RAB11FIP1: variants seen among roughly 807,000 people sequenced by gnomAD.
The protein encoded by RAB11FIP1 is RAB11 family interacting protein 1.
A neutral mutation model predicts 83.1 loss-of-function variants in RAB11FIP1; 49 were observed. The observed-to-expected ratio is 0.59, with a 90% CI of 0.47 to 0.75. RAB11FIP1 has a LOEUF of 0.75. Among genes scored for constraint, RAB11FIP1 ranks in the 30% least tolerant of loss-of-function variants. The probability of loss-of-function intolerance (pLI) is 0.00; values close to 1 mark genes in which losing one functional copy is unlikely to be tolerated. For missense variants in RAB11FIP1, 1,536 were observed against 1,598.7 expected (o/e 0.96, Z 0.67); for synonymous variants, 670 against 656.0 (o/e 1.02, Z -0.33).
At position 37,871,353 on chromosome 8, in the gene RAB11FIP1, T is replaced by C; in HGVS notation, c.3449A>G (p.Gln1150Arg). ...TGTCTCCGAGGGTGAGACCCAGGCCTGGAGGAGTGGCTTCCTCTTGCCAAA... is the reference window on the plus strand; with the variant it reads ...TGTCTCCGAGGGTGAGACCCAGGCCCGGAGGAGTGGCTTCCTCTTGCCAAA... Reference protein sequence around the residue: ...ENFGKRKPLLQAWVSPSETHP... With the variant: ...ENFGKRKPLLRAWVSPSETHP... Residue 1150 changes from glutamine to arginine, a missense_variant, in exon 4 of 6, where the codon CAG becomes CGG. Transcript: ENST00000330843. The C allele has an allele frequency of 6.2e-7, 1 of 1,614,204 alleles. No individual in the cohort carries two copies. Among genetic ancestry groups the C allele is most frequent in the East Asian group, 2.2e-5 (1 of 44,880 alleles).
chr8:37,858,956 G>A lies in RAB11FIP1; in HGVS notation c.*3939C>T, dbSNP rs1806180348. 6.6e-6 allele frequency: 1 copy of A among 151,246 alleles called. No homozygotes were observed. Among genetic ancestry groups the A allele is most frequent in the Non-Finnish European group, 1.5e-5 (1 of 67,962 alleles). The allele number at this position is 151,246 out of a possible 1,614,324, so 9.4% of individuals were successfully genotyped here. On this transcript the variant is annotated 3_prime_UTR_variant, in exon 6 of 6. Coordinates refer to ENST00000330843, the MANE Select transcript of RAB11FIP1 (RefSeq NM_001002814.3). ...AAACTACAGACACAAATCTTTGAAAGGTAAGTACCATTTTATTTAGTGTTG... is the reference window on the plus strand; with the variant it reads ...AAACTACAGACACAAATCTTTGAAAAGTAAGTACCATTTTATTTAGTGTTG...
At chr8:37,884,150 C>T (rs1186269072) in intron 1 of RAB11FIP1, among the ~76,000 whole-genome samples, 2 of 151,026 alleles carry the variant, frequency 1.3e-5, no homozygotes, top group African/African-American at 2.4e-5. Flanking sequence ...CTGCAACCAC[C>T]GTCGCCCAGG....
In RAB11FIP1 at chr8:37,874,547, C is replaced by T. The variant is rs369545313; in HGVS notation, c.1590G>A (p.Pro530=). 2.5e-6 allele frequency: 4 copies of T among 1,614,168 alleles called. No homozygotes were observed. Among genetic ancestry groups the T allele is most frequent in the Non-Finnish European group, 3.4e-6 (4 of 1,180,034 alleles). The change falls in exon 3 of 6, where the codon CCG becomes CCA. Residue 530 remains proline, a synonymous_variant. Transcript: ENST00000330843. ...KSEPRPPISS[P]RAPQTRAVKP... is the part of the protein sequence containing the mutation. ...TGACAGCTCTGGTCTGGGGAGCCCT[C>T]GGAGAGGAAATTGGAGGTCTCGGTT...
Position 37,860,543 on chromosome 8 carries a change from A to G in RAB11FIP1, c.*2352T>C, listed in dbSNP as rs981084922. 4 of 152,158 alleles carry G rather than the reference A, an allele frequency of 2.6e-5. No individual in the cohort carries two copies. Among genetic ancestry groups the G allele is most frequent in the Non-Finnish European group, 4.4e-5 (3 of 68,030 alleles). The allele number at this position is 152,158 out of a possible 1,614,324, so 9.4% of individuals were successfully genotyped here. ...TTTTTAGTAGAGACGGGGTTTTGCC[A>G]TGTTGGCCAGGCTGGTCTCGAACTC... On this transcript the variant is annotated 3_prime_UTR_variant, in exon 6 of 6. Transcript: ENST00000330843.
rs745387768 is a variant in RAB11FIP1 at position 37,872,921 on chromosome 8, T to C, written c.1881A>G (p.Gly627=). ...LVDRGQAKSE[G]PPLLPKAELQ... is the part of the protein sequence containing the mutation. The stretch of plus-strand genomic sequence containing the variant: ...ACTCTGCCTTAGGGAGCAAGGGTGG[T>C]CCTTCAGACTTGGCCTGGCCCCTGT... The change falls in exon 4 of 6, where the codon GGA becomes GGG. Residue 627 remains glycine, a synonymous_variant. Transcript: ENST00000330843. The C allele has an allele frequency of 5.6e-6, 9 of 1,614,080 alleles. No individual in the cohort carries two copies. Among genetic ancestry groups the C allele is most frequent in the East Asian group, 4.5e-5 (2 of 44,890 alleles).
At chr8:37,885,605 A>T (rs1276060355) in intron 1 of RAB11FIP1, among the ~76,000 whole-genome samples, 1 of 152,212 alleles carries the variant, frequency 6.6e-6, no homozygotes, top group Non-Finnish European at 1.5e-5. Flanking sequence ...AGTTTTCTAC[A>T]CTTTCAAAAA....
At position 37,872,546 on chromosome 8, in the gene RAB11FIP1, C is replaced by G. The variant is rs1806495896; in HGVS notation, c.2256G>C (p.Leu752Phe). The G allele has an allele frequency of 8.1e-6, 13 of 1,614,234 alleles. No homozygotes were observed. The highest frequency in any genetic ancestry group is 1.1e-5 in the Non-Finnish European group (13 of 1,180,048). The change falls in exon 4 of 6, where the codon TTG becomes TTC. Residue 752 changes from leucine (L) to phenylalanine (F), a missense_variant. Physicochemically the swap from Leu to Phe is conservative, Grantham distance 22. Coordinates refer to ENST00000330843, the MANE Select transcript of RAB11FIP1 (RefSeq NM_001002814.3). ...GELAAGGDRD[L>F]ESQAGSLVES... ...CCACAAGAGACCCAGCCTGACTCTCCAAGTCTCTGTCTCCTCCTGCTGCAA... is the reference window on the plus strand; with the variant it reads ...CCACAAGAGACCCAGCCTGACTCTCGAAGTCTCTGTCTCCTCCTGCTGCAA...
chr8:37,874,511 T>C lies in RAB11FIP1; in HGVS notation c.1622+4A>G, dbSNP rs1303633972. 1 of 1,612,474 alleles carries C rather than the reference T, an allele frequency of 6.2e-7. No homozygotes were observed. Among genetic ancestry groups the C allele is most frequent in the East Asian group, 2.2e-5 (1 of 44,860 alleles). ...TGCCCTGCACGAGAAGAGCCAAAACTCACCGGGGCTTGACAGCTCTGGTCT... is the reference window on the plus strand; with the variant it reads ...TGCCCTGCACGAGAAGAGCCAAAACCCACCGGGGCTTGACAGCTCTGGTCT... On this transcript the variant is annotated splice_donor_region_variant and intron_variant, in intron 3 of 5. Coordinates refer to ENST00000330843, the MANE Select transcript of RAB11FIP1 (RefSeq NM_001002814.3).
In RAB11FIP1 at chr8:37,860,354, T is replaced by G. The variant is rs1217825978; in HGVS notation, c.*2541A>C. On this transcript the variant is annotated 3_prime_UTR_variant, in exon 6 of 6. Coordinates refer to ENST00000330843, the MANE Select transcript of RAB11FIP1 (RefSeq NM_001002814.3). Reference sequence around the variant, plus strand: ...ATACATGTACCTTTTCTTTCTTTCTTTTTTTTGAGACAGAGTCTCGCCCGT... The same window carrying G: ...ATACATGTACCTTTTCTTTCTTTCTGTTTTTTGAGACAGAGTCTCGCCCGT... The G allele has an allele frequency of 6.6e-6, 1 of 152,582 alleles. No individual in the cohort carries two copies. 9.5% of individuals were successfully genotyped at this position (152,582 alleles called of 1,614,324 possible).
chr8:37,891,077 T>C (rs2130190556), intron 1 of RAB11FIP1, among the ~76,000 whole-genome samples: 1 of 152,308 alleles, frequency 6.6e-6, no homozygotes, highest in African/African-American at 2.4e-5. Context: ...CAGGGCAAAG[T>C]CAGGCTTGGT....
In RAB11FIP1 at chr8:37,874,971, G is replaced by A; in HGVS notation, c.1166C>T (p.Ser389Phe). The change falls in exon 3 of 6, where the codon TCC becomes TTC. Residue 389 changes from serine (S) to phenylalanine (F), a missense_variant. Transcript: ENST00000330843. The part of the protein sequence containing the change: ...RQLSESSTKD[S>F]LKSMTLPSYR... Reference sequence around the variant, plus strand: ...GGACGGCAGGGTCATAGACTTCAAGGAGTCCTTGGTGGAAGATTCGGAGAG... The same window carrying A: ...GGACGGCAGGGTCATAGACTTCAAGAAGTCCTTGGTGGAAGATTCGGAGAG... The A allele has an allele frequency of 1.2e-6, 2 of 1,614,130 alleles. No homozygotes were observed. The highest frequency in any genetic ancestry group is 1.7e-6 in the Non-Finnish European group (2 of 1,180,030).
chr8:37,889,191 T>C (rs1410954338), intron 1 of RAB11FIP1, among the ~76,000 whole-genome samples: 1 of 152,110 alleles, frequency 6.6e-6, no homozygotes, highest in East Asian at 1.9e-4. Context: ...CAGAGGGCCC[T>C]CGAACTCTCA....
chr8:37,865,358 C>T (rs1377026117), intron 5 of RAB11FIP1, among the ~76,000 whole-genome samples: 5 of 148,210 alleles, frequency 3.4e-5, no homozygotes, highest in Non-Finnish European at 7.4e-5. Flanking sequence ...CTCACTGTGA[C>T]ACCCAGGCTG....
At chr8:37,894,427 CT>C (rs1330665390) in intron 1 of RAB11FIP1, among the ~76,000 whole-genome samples, 1 of 151,870 alleles carries the variant, frequency 6.6e-6, no homozygotes, top group Non-Finnish European at 1.5e-5. Flanking sequence ...GTATCTAACC[CT>C]TTATAATACC....
In RAB11FIP1 at chr8:37,871,335, G is replaced by A. The variant is rs75558150; in HGVS notation, c.3467C>T (p.Ser1156Leu). Reference sequence around the variant, plus strand: ...CTGAGCTGAGACTGGATGTGTCTCCGAGGGTGAGACCCAGGCCTGGAGGAG... The same window carrying A: ...CTGAGCTGAGACTGGATGTGTCTCCAAGGGTGAGACCCAGGCCTGGAGGAG... ...KPLLQAWVSP[S>L]ETHPVSAQPG... is the part of the protein sequence containing the mutation. The change falls in exon 4 of 6, where the codon TCG becomes TTG. Residue 1156 changes from serine (S) to leucine (L), a missense_variant. Coordinates refer to ENST00000330843, the MANE Select transcript of RAB11FIP1 (RefSeq NM_001002814.3). 1.7e-3 allele frequency: 2,796 copies of A among 1,614,012 alleles called. 4 individuals are homozygous for A. The highest frequency in any genetic ancestry group is 2.7e-3 in the Admixed American group (165 of 60,010).
At chr8:37,896,824 G>A (rs1275496274) in intron 1 of RAB11FIP1, among the ~76,000 whole-genome samples, 1 of 152,194 alleles carries the variant, frequency 6.6e-6, no homozygotes, top group Non-Finnish European at 1.5e-5. Context: ...TTTAGGGACA[G>A]AGAAGCCCAA....
At chr8:37,870,774 C>G (rs2130136788) in intron 4 of RAB11FIP1, 1 of 429,110 alleles carries the variant, frequency 2.3e-6, no homozygotes, top group Non-Finnish European at 4.1e-6. Context: ...TTCACGGGAC[C>G]CTTGGTCTTG....
intron 1 of RAB11FIP1, among the ~76,000 whole-genome samples, chr8:37,893,909 A>G (rs1034116224): frequency 1.8e-4 from 27 of 152,318 alleles, no homozygotes; most frequent in African/African-American, 6.3e-4. Flanking sequence ...AAAAACCATG[A>G]GGGAATATCT....
rs140616452 is a variant in RAB11FIP1 at position 37,870,435 on chromosome 8, A to G, written c.3618T>C (p.Asn1206=). 4.6e-3 allele frequency: 7,318 copies of G among 1,603,104 alleles called. 46 individuals carry two copies. The highest frequency in any genetic ancestry group is 0.015 in the Admixed American group (912 of 59,986). ...TATIISENLN[N]EVMMKKYSPS... is the part of the protein sequence containing the mutation. ...GAGGACATACCTTCATCATGACCTCATTGTTCAAGTTCTCACTGATGATGG... is the reference window on the plus strand; with the variant it reads ...GAGGACATACCTTCATCATGACCTCGTTGTTCAAGTTCTCACTGATGATGG... Residue 1206 remains asparagine (N), a synonymous_variant, in exon 5 of 6, where the codon AAT becomes AAC. Coordinates refer to ENST00000330843, the MANE Select transcript of RAB11FIP1 (RefSeq NM_001002814.3).
Sources: gnomAD v4.1 joint callset for allele counts (sites outside exome capture counted in the v4.1 genomes callset) on GRCh38, gnomAD v4.1.1 for gene constraint, MANE v1.5 for transcripts, NCBI Gene and HGNC (gene_info 2026-07-23, HGNC 2026-07-21) for gene names.